The following PAG1 variants were observed in gnomAD, a reference collection of about 807,000 sequenced individuals.
PAG1 encodes the protein phosphoprotein associated with glycosphingolipid-enriched microdomains 1.
In PAG1, 23 loss-of-function variants were observed where a neutral mutation model predicts 31.7. The ratio of observed to expected loss-of-function variants is 0.73; its 90% CI spans 0.52 to 1.03. PAG1 has a LOEUF of 1.03. Among genes scored for constraint, PAG1 ranks in the 50% least tolerant of loss-of-function variants. The probability of loss-of-function intolerance (pLI) is 0.00; values close to 1 mark genes in which losing one functional copy is unlikely to be tolerated. For synonymous variants in PAG1, 214 were observed against 210.3 expected, an observed-to-expected ratio of 1.02 and a Z score of -0.15; for missense variants, 473 against 540.7, an observed-to-expected ratio of 0.87 and a Z score of 1.24.
At chr8:80,987,737 T>C (rs1807455733) in intron 5 of PAG1, among the ~76,000 whole-genome samples, 1 of 152,196 alleles carries the variant, frequency 6.6e-6, no homozygotes, top group Non-Finnish European at 1.5e-5. Context: ...AATTTATAAG[T>C]ACAGTAATTT....
intron 3 of PAG1, among the ~76,000 whole-genome samples, chr8:81,019,353 C>T (rs952409883): frequency 1.3e-5 from 2 of 152,224 alleles, no homozygotes; most frequent in Non-Finnish European, 1.5e-5. Context: ...AAAATGTCTC[C>T]AGGGCATGTC....
At chr8:81,074,392 A>G (rs1476543898) in intron 1 of PAG1, among the ~76,000 whole-genome samples, 11 of 152,174 alleles carry the variant, frequency 7.2e-5, no homozygotes, top group Admixed American at 7.2e-4. Flanking sequence ...AAGATCATGG[A>G]ATCTAAGCTA....
At chr8:81,085,807 T>A (rs1010827631) in intron 1 of PAG1, among the ~76,000 whole-genome samples, 39 of 152,174 alleles carry the variant, frequency 2.6e-4, no homozygotes, top group African/African-American at 7.7e-4. Context: ...CAAAACTGAA[T>A]CGTTAATACA....
chr8:80,995,318 T>C (rs1359588726), intron 3 of PAG1, among the ~76,000 whole-genome samples: 1 of 152,222 alleles, frequency 6.6e-6, no homozygotes, highest in Non-Finnish European at 1.5e-5. Context: ...TCTTCCTATG[T>C]TTGATTGTAT....
chr8:81,109,861 C>A (rs1563434643), intron 1 of PAG1, among the ~76,000 whole-genome samples: 1 of 152,178 alleles, frequency 6.6e-6, no homozygotes, highest in African/African-American at 2.4e-5. Context: ...CCAGAGCTGG[C>A]AGCCTGGCTC....
chr8:81,078,709 T>C (rs1809216640), intron 1 of PAG1, among the ~76,000 whole-genome samples: 1 of 152,098 alleles, frequency 6.6e-6, no homozygotes, highest in African/African-American at 2.4e-5. Flanking sequence ...AAAAGAGCAA[T>C]TGACAAAAGA....
At chr8:81,031,812 A>G (rs1332767494) in intron 2 of PAG1, among the ~76,000 whole-genome samples, 3 of 152,256 alleles carry the variant, frequency 2.0e-5, no homozygotes, top group Non-Finnish European at 4.4e-5. Context: ...AAATATTCCA[A>G]CGAAACAAGG....
chr8:81,092,635 A>C (rs946620512), intron 1 of PAG1, among the ~76,000 whole-genome samples: 3 of 152,246 alleles, frequency 2.0e-5, no homozygotes, highest in Non-Finnish European at 4.4e-5. Flanking sequence ...TCAACAAATG[A>C]AACAGCATTA....
At chr8:80,996,319 A>C (rs918724977) in intron 3 of PAG1, among the ~76,000 whole-genome samples, 2 of 152,142 alleles carry the variant, frequency 1.3e-5, no homozygotes, top group African/African-American at 4.8e-5. Context: ...GTGGTGGCTG[A>C]GGGGATCTAG....
chr8:80,986,038 G>A (rs150357922), intron 6 of PAG1, among the ~76,000 whole-genome samples: 181 of 152,314 alleles, frequency 1.2e-3, no homozygotes, highest in African/African-American at 4.0e-3. Flanking sequence ...TTTGTCAACC[G>A]TGTTGTGAGT....
At chr8:81,089,300 TG>T (rs904270310) in intron 1 of PAG1, among the ~76,000 whole-genome samples, 3 of 152,194 alleles carry the variant, frequency 2.0e-5, no homozygotes, top group African/African-American at 7.2e-5. Context: ...CCAGGCGCAG[TG>T]GCTCACGCCT....
intron 2 of PAG1, among the ~76,000 whole-genome samples, chr8:81,057,209 C>T (rs1808838631): frequency 6.6e-6 from 1 of 152,156 alleles, no homozygotes; most frequent in South Asian, 2.1e-4. Context: ...ACCCAGCCAT[C>T]CCACTACTGG....
At chr8:80,997,697 C>T (rs1034128293) in intron 3 of PAG1, among the ~76,000 whole-genome samples, 7 of 152,182 alleles carry the variant, frequency 4.6e-5, no homozygotes, top group African/African-American at 1.7e-4. Flanking sequence ...GAATGCTGTA[C>T]TAAGATGAGC....
chr8:81,018,334 A>T (rs1808105948), intron 3 of PAG1, among the ~76,000 whole-genome samples: 1 of 152,254 alleles, frequency 6.6e-6, no homozygotes, highest in Non-Finnish European at 1.5e-5. Flanking sequence ...GTAATACTTT[A>T]TCACAAATTA....
intron 1 of PAG1, among the ~76,000 whole-genome samples, chr8:81,076,716 T>C (rs1208253641): frequency 6.6e-6 from 1 of 152,168 alleles, no homozygotes; most frequent in Non-Finnish European, 1.5e-5. Flanking sequence ...AAAATAAATA[T>C]CCTAGGGCCC....
In PAG1 at chr8:81,014,001, C is replaced by A. The variant is rs143785027; in HGVS notation, c.-81+15995G>T. Among the ~76,000 whole-genome samples, 687 of 152,284 alleles carry A rather than the reference C, an allele frequency of 4.5e-3. 6 individuals carry two copies. Among genetic ancestry groups the A allele is most frequent in the African/African-American group, 0.016 (652 of 41,554 alleles). On this transcript the variant is annotated intron_variant, in intron 3 of 8. Coordinates refer to ENST00000220597, the MANE Select transcript of PAG1 (RefSeq NM_018440.4). ...TCTGAAATCTAGTTCCACATATTTGCATTGACATTTTATTTACTAAAAAAT... is the reference window on the plus strand; with the variant it reads ...TCTGAAATCTAGTTCCACATATTTGAATTGACATTTTATTTACTAAAAAAT...
intron 7 of PAG1, among the ~76,000 whole-genome samples, chr8:80,981,006 C>A (rs1807288675): frequency 6.6e-6 from 1 of 152,174 alleles, no homozygotes; most frequent in South Asian, 2.1e-4. Context: ...GATTCTCTAA[C>A]ACATCCCTTG....
intron 8 of PAG1, among the ~76,000 whole-genome samples, chr8:80,977,230 C>G (rs377052454): frequency 4.6e-5 from 7 of 152,330 alleles, no homozygotes; most frequent in African/African-American, 1.7e-4. Flanking sequence ...TGTTTTATTT[C>G]ATTTCTTTAT....
rs571519987 is a variant in PAG1, at chr8:80,972,939, A to AAGTGTGTGTGTG, written c.*3604_*3605insCACACACACACT. On this transcript the variant is annotated 3_prime_UTR_variant, in exon 9 of 9. Transcript: ENST00000220597. ...CAAGTATATACACACACACACGTAT[A>AAGTGTGTGTGTG]CGTGTGTGTGTGTGTGTGTGTGTGT... 7 of 138,596 alleles carry AAGTGTGTGTGTG rather than the reference A, an allele frequency of 5.1e-5. No homozygotes were observed. The highest frequency in any genetic ancestry group is 1.8e-4 in the African/African-American group (6 of 33,610). The allele number at this position is 138,596 out of a possible 1,614,324, so 8.6% of individuals were successfully genotyped here. A position where few individuals can be genotyped will look rare whatever the true frequency, so the allele number is the denominator to read the frequency against.
Sources: allele counts gnomAD v4.1 joint callset (sites outside exome capture counted in the v4.1 genomes callset), GRCh38; gene constraint gnomAD v4.1.1; transcripts MANE v1.5; gene names NCBI Gene and HGNC (gene_info 2026-07-23, HGNC 2026-07-21).